The following PGPEP1 variants were observed in gnomAD, a reference collection of about 807,000 sequenced individuals.
PGPEP1 encodes pyroglutamyl-peptidase I, also known as pyroglutamyl-peptidase 1.
In PGPEP1, 15 loss-of-function variants were observed where a neutral mutation model predicts 24.1. The ratio of observed to expected loss-of-function variants is 0.62; its 90% CI spans 0.42 to 0.96. PGPEP1 has a LOEUF of 0.96. Ranked by LOEUF, PGPEP1 falls within the 40% of genes least tolerant of loss-of-function variation. The pLI, the probability that PGPEP1 is intolerant of heterozygous loss-of-function variation, is 0.00. For missense variants in PGPEP1, 242 were observed against 273.4 expected (o/e 0.89, Z 0.81); for synonymous variants, 122 against 116.4 (o/e 1.05, Z -0.31).
chr19:18,362,681 T>C (rs1971376152), intron 4 of PGPEP1, among the ~76,000 whole-genome samples: 1 of 150,408 alleles, frequency 6.6e-6, no homozygotes, highest in Admixed American at 6.7e-5. Flanking sequence ...TGAGCTGAGA[T>C]TGTGCCACTG....
chr19:18,361,987 C>A lies in PGPEP1; in HGVS notation c.438-1404C>A, dbSNP rs553939689. ...TGTGGATAAACCAGAGTTTACTAAG[C>A]CACTCCCTGTCAGTGGGCTTTAGGT... On this transcript the variant is annotated intron_variant, in intron 4 of 4. Transcript: ENST00000269919. The A allele has an allele frequency of 2.6e-5, 15 of 574,374 alleles. No individual in the cohort carries two copies. The African/African-American group carries it at 3.0e-4, about 12-fold the overall frequency. 35.6% of individuals were successfully genotyped at this position (574,374 alleles called of 1,614,324 possible).
intron 2 of PGPEP1, among the ~76,000 whole-genome samples, chr19:18,355,191 G>C (rs1459723088): frequency 6.6e-6 from 1 of 151,168 alleles, no homozygotes; most frequent in Non-Finnish European, 1.5e-5. Flanking sequence ...GGATGGTCTC[G>C]ATCTCCTGAC....
intron 3 of PGPEP1, among the ~76,000 whole-genome samples, chr19:18,356,590 A>AG (rs1467257626): frequency 1.3e-5 from 2 of 151,764 alleles, no homozygotes; most frequent in Non-Finnish European, 2.9e-5. Flanking sequence ...CTACAAAAAA[A>AG]TTTAAAAATT....
intron 1 of PGPEP1, among the ~76,000 whole-genome samples, chr19:18,341,217 T>C (rs1970662704): frequency 6.6e-6 from 1 of 151,984 alleles, no homozygotes; most frequent in Non-Finnish European, 1.5e-5. Context: ...GGGGGGCTAC[T>C]CTCCCAAGGC....
At chr19:18,353,064 C>T (rs895926197) in intron 2 of PGPEP1, among the ~76,000 whole-genome samples, 1 of 151,730 alleles carries the variant, frequency 6.6e-6, no homozygotes, top group Non-Finnish European at 1.5e-5. Context: ...ATTACAGGCA[C>T]CTGCCACCAT....
In PGPEP1 at chr19:18,355,984, C is replaced by T. The variant is rs142720367; in HGVS notation, c.177C>T (p.Pro59=). The part of the protein sequence containing the change: ...VEYQTVQRLI[P]ALWEKHSPQL... ...ACCAAACAGTCCAGAGACTCATCCC[C>T]GCCCTGTGGGAGAAGCACAGTCCAC... is the stretch of plus-strand genomic sequence containing the variant. The change falls in exon 3 of 5, where the codon CCC becomes CCT. Residue 59 remains proline, a synonymous_variant. Coordinates refer to ENST00000269919, the MANE Select transcript of PGPEP1 (RefSeq NM_017712.4). The T allele has an allele frequency of 1.2e-5, 19 of 1,611,466 alleles. No individual in the cohort carries two copies. The highest frequency in any genetic ancestry group is 6.7e-5 in the African/African-American group (5 of 74,888).
rs1970720059 is a variant in PGPEP1, at chr19:18,343,060, C to T, written c.87+149C>T. 18 of 647,528 alleles carry T rather than the reference C, an allele frequency of 2.8e-5. No homozygotes were observed. In the East Asian group the frequency reaches 4.9e-4, roughly 18 times the overall value. 40.1% of individuals were successfully genotyped at this position (647,528 alleles called of 1,614,324 possible). On this transcript the variant is annotated intron_variant, in intron 2 of 4. Coordinates refer to ENST00000269919, the MANE Select transcript of PGPEP1 (RefSeq NM_017712.4). ...TGTCACCCAGGCTGGAATGCAATGG[C>T]ACAATCTCAGCCCACTGCAACCTTC...
chr19:18,347,358 T>C (rs1363998343), intron 2 of PGPEP1, among the ~76,000 whole-genome samples: 1 of 145,450 alleles, frequency 6.9e-6, no homozygotes, highest in Admixed American at 7.4e-5. Flanking sequence ...TCCTCCTGTC[T>C]TAGCCCCTCA....
chr19:18,354,252 T>A (rs1053017796), intron 2 of PGPEP1, among the ~76,000 whole-genome samples: 3 of 148,614 alleles, frequency 2.0e-5, no homozygotes, highest in African/African-American at 7.5e-5. Context: ...TAAAAGACTC[T>A]TGGGAGGCAG....
At chr19:18,351,859 T>C (rs1021888651) in intron 2 of PGPEP1, among the ~76,000 whole-genome samples, 5 of 151,850 alleles carry the variant, frequency 3.3e-5, no homozygotes, top group Non-Finnish European at 7.4e-5. Context: ...GTGCAGTGGC[T>C]CATGCCTGTA....
At chr19:18,347,254 T>TTTC (rs1555710144) in intron 2 of PGPEP1, among the ~76,000 whole-genome samples, 17 of 117,554 alleles carry the variant, frequency 1.4e-4, no homozygotes, top group African/African-American at 5.2e-4. Flanking sequence ...GCTAATTTTT[T>TTTC]TTTCTTTCTT....
intron 4 of PGPEP1, among the ~76,000 whole-genome samples, chr19:18,362,181 C>T (rs527252569): frequency 9.9e-5 from 15 of 151,822 alleles, no homozygotes; most frequent in African/African-American, 3.1e-4. Context: ...CCGAGGCAGG[C>T]GAATCACTCG....
chr19:18,364,088 C>CTTTCTTTCTTTCTTT lies in PGPEP1; in HGVS notation c.*506_*520dup, dbSNP rs1555713536. 1.6e-5 allele frequency: 2 copies of CTTTCTTTCTTTCTTT among 127,618 alleles called. No individual in the cohort carries two copies. Among genetic ancestry groups the CTTTCTTTCTTTCTTT allele is most frequent in the Non-Finnish European group, 3.3e-5 (2 of 60,426 alleles). The allele number at this position is 127,618 out of a possible 1,614,324, so 7.9% of individuals were successfully genotyped here. Reference sequence around the variant, plus strand: ...GGGATATGGCTGGCTGGCTGGCTTTCTTTCTTTCTTTCTTTCTTTCTTTCT... The same window carrying CTTTCTTTCTTTCTTT: ...GGGATATGGCTGGCTGGCTGGCTTTCTTTCTTTCTTTCTTTTTTCTTTCTTTCTTTCTTTCTTTCT... On this transcript the variant is annotated 3_prime_UTR_variant, in exon 5 of 5. Transcript: ENST00000269919.
intron 2 of PGPEP1, among the ~76,000 whole-genome samples, chr19:18,345,050 G>C (rs974607757): frequency 1.3e-5 from 2 of 151,932 alleles, no homozygotes; most frequent in Non-Finnish European, 2.9e-5. Context: ...GCCCAGACTG[G>C]AGTGCAATGT....
At position 18,364,095 on chromosome 19, in the gene PGPEP1, T is replaced by TCTTTCTTTCTTTCTTTCTTG. The variant is rs1038803091; in HGVS notation, c.*528_*547dup. ...GGCTGGCTGGCTGGCTTTCTTTCTT[T>TCTTTCTTTCTTTCTTTCTTG]CTTTCTTTCTTTCTTTCTTGCTTTC... On this transcript the variant is annotated 3_prime_UTR_variant, in exon 5 of 5. Transcript: ENST00000269919. The TCTTTCTTTCTTTCTTTCTTG allele has an allele frequency of 7.7e-6, 1 of 129,554 alleles. No individual in the cohort carries two copies. Among genetic ancestry groups the TCTTTCTTTCTTTCTTTCTTG allele is most frequent in the African/African-American group, 3.0e-5 (1 of 33,638 alleles). The allele number at this position is 129,554 out of a possible 1,614,324, so 8.0% of individuals were successfully genotyped here.
chr19:18,359,934 T>C (rs1194451967), intron 4 of PGPEP1, among the ~76,000 whole-genome samples: 1 of 152,206 alleles, frequency 6.6e-6, no homozygotes, highest in Non-Finnish European at 1.5e-5. Flanking sequence ...ATCTGTGCGC[T>C]TGTCCAACTC....
chr19:18,344,917 T>G (rs1400769895), intron 2 of PGPEP1, among the ~76,000 whole-genome samples: 1 of 152,144 alleles, frequency 6.6e-6, no homozygotes, highest in African/African-American at 2.4e-5. Context: ...TGGTGAAGGA[T>G]GGCAGCTTTT....
rs569630751 is a variant in PGPEP1 at position 18,359,570 on chromosome 19, C to T, written c.437+1955C>T. Among the ~76,000 whole-genome samples, 112 of 150,348 alleles carry T rather than the reference C, an allele frequency of 7.4e-4. 1 individual carries two copies. Among genetic ancestry groups the T allele is most frequent in the South Asian group, 4.6e-3 (22 of 4,758 alleles). ...TAGCACAGGCTGGAGTGCATTGGCG[C>T]GATCTTGGCTCACTGCAACCTCCGC... On this transcript the variant is annotated intron_variant, in intron 4 of 4. Coordinates refer to ENST00000269919, the MANE Select transcript of PGPEP1 (RefSeq NM_017712.4).
intron 1 of PGPEP1, among the ~76,000 whole-genome samples, chr19:18,341,878 T>C (rs998995388): frequency 1.3e-5 from 2 of 151,874 alleles, no homozygotes; most frequent in African/African-American, 4.8e-5. Context: ...ATAGCATTCA[T>C]ATCCTGTGGG....
Sources: gnomAD v4.1 joint callset for allele counts (sites outside exome capture counted in the v4.1 genomes callset) on GRCh38, gnomAD v4.1.1 for gene constraint, MANE v1.5 for transcripts, NCBI Gene and HGNC (gene_info 2026-07-23, HGNC 2026-07-21) for gene names.